CFAP299: variants seen among roughly 807,000 people sequenced by gnomAD.
CFAP299 encodes the protein cilia and flagella associated protein 299.
Under a neutral mutation model 27.0 loss-of-function variants are expected in CFAP299, and 21 were observed. The ratio of observed to expected loss-of-function variants is 0.78; its 90% CI spans 0.55 to 1.12. The LOEUF is 1.12. Ranked by LOEUF, CFAP299 falls within the 50% of genes most tolerant of loss-of-function variation. The pLI, the probability that CFAP299 is intolerant of heterozygous loss-of-function variation, is 0.00. For synonymous variants in CFAP299, 104 were observed against 98.1 expected (o/e 1.06, Z -0.36); for missense variants, 310 against 276.6 (o/e 1.12, Z -0.86).
chr4:80,418,695 A>G (rs2110067825), intron 2 of CFAP299, among the ~76,000 whole-genome samples: 1 of 151,572 alleles, frequency 6.6e-6, no homozygotes, highest in South Asian at 2.1e-4. Flanking sequence ...ACTCTCTGCT[A>G]CTTAGAGTTC....
intron 3 of CFAP299, among the ~76,000 whole-genome samples, chr4:80,791,068 C>A (rs1404492089): frequency 1.3e-5 from 2 of 151,936 alleles, no homozygotes; most frequent in Non-Finnish European, 2.9e-5. Context: ...AGCAAAATAA[C>A]CTTATAAGTT....
chr4:80,891,789 T>TAAAA (rs1355453928), intron 4 of CFAP299, among the ~76,000 whole-genome samples: 4 of 35,068 alleles, frequency 1.1e-4, no homozygotes, highest in African/African-American at 3.1e-4. Context: ...AAAAAAAAAA[T>TAAAA]AAAAAAAAAA....
At chr4:80,714,760 T>C (rs1722380277) in intron 3 of CFAP299, among the ~76,000 whole-genome samples, 1 of 152,090 alleles carries the variant, frequency 6.6e-6, no homozygotes, top group African/African-American at 2.4e-5. Context: ...AGCAAAATTG[T>C]AAGCATCCCA....
chr4:80,619,401 A>G (rs956273819), intron 3 of CFAP299, among the ~76,000 whole-genome samples: 6 of 152,104 alleles, frequency 3.9e-5, no homozygotes, highest in African/African-American at 1.4e-4. Context: ...ATTGTGCCAC[A>G]TGAAATTTTC....
chr4:80,439,681 C>G (rs1728259703), intron 2 of CFAP299, among the ~76,000 whole-genome samples: 1 of 152,134 alleles, frequency 6.6e-6, no homozygotes, highest in Admixed American at 6.5e-5. Context: ...GCCTGGAATG[C>G]CAGTGAGACA....
intron 3 of CFAP299, among the ~76,000 whole-genome samples, chr4:80,711,479 C>T (rs1242237465): frequency 6.6e-6 from 1 of 152,174 alleles, no homozygotes; most frequent in African/African-American, 2.4e-5. Flanking sequence ...CCACCCCTCC[C>T]CTCGGACCTC....
intron 3 of CFAP299, among the ~76,000 whole-genome samples, chr4:80,862,137 C>T (rs1284235276): frequency 3.3e-5 from 5 of 152,028 alleles, no homozygotes; most frequent in African/African-American, 9.7e-5. Flanking sequence ...TGGAAGGCCA[C>T]GGTGGGTGGA....
At chr4:80,560,865 A>G (rs1356033042) in intron 2 of CFAP299, among the ~76,000 whole-genome samples, 7 of 152,060 alleles carry the variant, frequency 4.6e-5, no homozygotes, top group Non-Finnish European at 2.9e-5. Flanking sequence ...GTGTTTCTGG[A>G]CCCACGTGGG....
At chr4:80,563,389 G>T (rs950649052) in intron 2 of CFAP299, among the ~76,000 whole-genome samples, 14 of 151,970 alleles carry the variant, frequency 9.2e-5, no homozygotes, top group Admixed American at 5.9e-4. Context: ...TTAATAAAAA[G>T]AATAATTTTG....
chr4:80,583,189 T>C lies in CFAP299; in HGVS notation c.333+6T>C. The C allele has an allele frequency of 6.3e-7, 1 of 1,582,324 alleles. No homozygotes were observed. Among genetic ancestry groups the C allele is most frequent in the Non-Finnish European group, 8.6e-7 (1 of 1,156,456 alleles). ...ATCGCAGTGGAAAACTGAGTGTAAG[T>C]ACATTTCATCCAACAGCTTAAAATG... On this transcript the variant is annotated splice_donor_region_variant and intron_variant, in intron 3 of 5. Transcript: ENST00000358105.
intron 3 of CFAP299, among the ~76,000 whole-genome samples, chr4:80,657,367 T>C (rs1017411908): frequency 2.6e-5 from 4 of 152,056 alleles, no homozygotes; most frequent in Non-Finnish European, 4.4e-5. Context: ...TTAGGTCTTA[T>C]GTTTAAGTCT....
At chr4:80,818,024 T>C (rs1359250455) in intron 3 of CFAP299, among the ~76,000 whole-genome samples, 1 of 152,084 alleles carries the variant, frequency 6.6e-6, no homozygotes, top group Non-Finnish European at 1.5e-5. Flanking sequence ...TAAGCCCCAG[T>C]GTGAGTGTGG....
chr4:80,339,567 A>G (rs1722338299), intron 1 of CFAP299, among the ~76,000 whole-genome samples: 1 of 152,256 alleles, frequency 6.6e-6, no homozygotes, highest in African/African-American at 2.4e-5. Flanking sequence ...ACTTTATGCT[A>G]TGTACACTGT....
At chr4:80,726,735 C>G (rs1458743035) in intron 3 of CFAP299, among the ~76,000 whole-genome samples, 1 of 152,168 alleles carries the variant, frequency 6.6e-6, no homozygotes, top group Non-Finnish European at 1.5e-5. Context: ...TGGGGACTGA[C>G]TGTTCTACTC....
At chr4:80,463,559 G>A (rs913617464) in intron 2 of CFAP299, among the ~76,000 whole-genome samples, 2 of 152,120 alleles carry the variant, frequency 1.3e-5, no homozygotes, top group Admixed American at 6.5e-5. Context: ...GTGCATAGAC[G>A]TCCAAGTTCA....
At chr4:80,790,538 TGC>T (rs962453562) in intron 3 of CFAP299, 1 of 151,974 alleles carries the variant, frequency 6.6e-6, no homozygotes, top group Non-Finnish European at 1.5e-5. Context: ...ATGAGATTAG[TGC>T]CTTTATAAGA....
chr4:80,587,207 C>G (rs1185349774), intron 3 of CFAP299, among the ~76,000 whole-genome samples: 1 of 151,942 alleles, frequency 6.6e-6, no homozygotes, highest in Non-Finnish European at 1.5e-5. Context: ...CTAATAAACC[C>G]TTATGGAAAT....
At chr4:80,354,361 A>G (rs1449059464) in intron 1 of CFAP299, among the ~76,000 whole-genome samples, 3 of 152,226 alleles carry the variant, frequency 2.0e-5, no homozygotes, top group Non-Finnish European at 2.9e-5. Context: ...CAAGATGTAC[A>G]GTTAAATGTT....
chr4:80,854,837 A>AG (rs1491389067), intron 3 of CFAP299, among the ~76,000 whole-genome samples: 11 of 126,990 alleles, frequency 8.7e-5, no homozygotes, highest in Non-Finnish European at 1.6e-4. Flanking sequence ...AAAAAAAAAA[A>AG]CAGAAAAGGA....
Sources: allele counts gnomAD v4.1 joint callset (sites outside exome capture counted in the v4.1 genomes callset), GRCh38; gene constraint gnomAD v4.1.1; transcripts MANE v1.5; gene names NCBI Gene and HGNC (gene_info 2026-07-23, HGNC 2026-07-21).